The following KIAA1210 variants were observed in gnomAD, a reference collection of about 807,000 sequenced individuals.
KIAA1210 encodes the protein KIAA1210.
KIAA1210 carries 48 observed loss-of-function variants against 78.9 expected under a neutral mutation model. The ratio of observed to expected loss-of-function variants is 0.61; its 90% CI spans 0.48 to 0.77. KIAA1210 has a LOEUF of 0.77. Ranked by LOEUF, KIAA1210 falls within the 30% of genes least tolerant of loss-of-function variation. KIAA1210 has a pLI of 0.00. For missense variants in KIAA1210, 1,108 were observed against 1,100.0 expected, an observed-to-expected ratio of 1.01 and a Z score of -0.10; for synonymous variants, 406 against 404.5, an observed-to-expected ratio of 1.00 and a Z score of -0.04.
intron 1 of KIAA1210, among the ~76,000 whole-genome samples, chrX:119,125,517 C>T (rs189047463): frequency 9.6e-6 from 1 of 104,461 alleles, no homozygotes; most frequent in Admixed American, 1.1e-4. Context: ...GGAAGCATGT[C>T]GGTTGATAAT....
chrX:119,149,854 C>G (rs905296843), intron 1 of KIAA1210, among the ~76,000 whole-genome samples: 5 of 111,076 alleles, frequency 4.5e-5, no homozygotes, highest in African/African-American at 1.6e-4. Flanking sequence ...GTTTCCCTCT[C>G]TCTTTCCATC....
At chrX:119,134,375 T>C (rs1471880402) in intron 2 of KIAA1210, among the ~76,000 whole-genome samples, 18 of 112,616 alleles carry the variant, frequency 1.6e-4, no homozygotes, top group Admixed American at 1.6e-3. Flanking sequence ...TCCATTCATC[T>C]ATTGATGGAC....
At position 119,085,504 on chromosome X, in the gene KIAA1210, G is replaced by C. The variant is rs368836990; in HGVS notation, c.4199C>G (p.Pro1400Arg). Residue 1400 changes from proline to arginine, a missense_variant, in exon 10 of 12, where the codon CCG (proline) becomes CGG (arginine). Coordinates refer to ENST00000691062, the MANE Select transcript of KIAA1210 (RefSeq NM_001394962.1). ...CTGCTTTGCCATAGTTATCCAAACCGGCTCTGAGACAGCATAATCTGACTG... is the reference window on the plus strand; with the variant it reads ...CTGCTTTGCCATAGTTATCCAAACCCGCTCTGAGACAGCATAATCTGACTG... ...GQQSDYAVSE[P>R]VWITMAKQKQ... 1.7e-6 allele frequency: 2 copies of C among 1,211,012 alleles called. No individual in the cohort carries two copies. The highest frequency in any genetic ancestry group is 2.2e-6 in the Non-Finnish European group (2 of 895,088).
chrX:119,091,192 G>C (rs1450832400), intron 8 of KIAA1210, among the ~76,000 whole-genome samples: 1 of 112,291 alleles, frequency 8.9e-6, no homozygotes, highest in Non-Finnish European at 1.9e-5. Flanking sequence ...TCTTACCTCA[G>C]CCAGAATGGC....
intron 2 of KIAA1210, among the ~76,000 whole-genome samples, chrX:119,122,490 C>G (rs1376154154): frequency 8.9e-6 from 1 of 112,206 alleles, no homozygotes; most frequent in Non-Finnish European, 1.9e-5. Flanking sequence ...TTTGGTCTTA[C>G]AAAAAACAAA....
chrX:119,096,437 T>C, intron 7 of KIAA1210, 57 bp downstream of exon 7: 1 of 1,049,519 alleles, frequency 9.5e-7, no homozygotes, highest in East Asian at 3.0e-5. Context: ...TTTGCAAAGG[T>C]TGGAACTCAT....
rs1171379228 is a variant in KIAA1210, at chrX:119,081,438, G to T, written c.4493C>A (p.Thr1498Asn). 1 of 1,208,793 alleles carries T rather than the reference G, an allele frequency of 8.3e-7. No homozygotes were observed. The highest frequency in any genetic ancestry group is 1.8e-5 in the African/African-American group (1 of 56,991). Residue 1498 changes from threonine to asparagine, a missense_variant, in exon 12 of 12, where the codon ACT (threonine) becomes AAT (asparagine). By Grantham distance (65) the Thr-to-Asn change is moderately conservative. Around this residue, in one of 5 missense-constraint regions of KIAA1210, gnomAD observed 245 missense variants for 278.8 expected, o/e 0.88. Coordinates refer to ENST00000691062, the MANE Select transcript of KIAA1210 (RefSeq NM_001394962.1). ...AMEKETKRSS[T>N]LPAKFQNPVE... ...TGGGTTCTGGAACTTGGCTGGGAGA[G>T]TTGAAGATCGTTTGGTTTCTTTTTC...
In KIAA1210 at chrX:119,096,661, A is replaced by C; in HGVS notation, c.679T>G (p.Cys227Gly). 8.3e-7 allele frequency: 1 copy of C among 1,207,859 alleles called. No homozygotes were observed. Residue 227 changes from cysteine (C) to glycine (G), a missense_variant, in exon 7 of 12, where the codon TGC becomes GGC. By Grantham distance (159) the Cys-to-Gly change is radical. Transcript: ENST00000691062. ...SFSELSSGPD[C>G]SQSLTAFATL... ...GCAAATGCAGTCAAGGACTGTGAGC[A>C]ATCAGGTCCAGATGATAACTCAGAG...
At chrX:119,115,244 T>C (rs1468906757) in intron 3 of KIAA1210, among the ~76,000 whole-genome samples, 2 of 110,359 alleles carry the variant, frequency 1.8e-5, no homozygotes, top group African/African-American at 6.6e-5. Context: ...CTTCTCTCTC[T>C]CTCTCTCTCT....
chrX:119,138,426 C>T (rs746578540), intron 2 of KIAA1210, among the ~76,000 whole-genome samples: 1 of 110,372 alleles, frequency 9.1e-6, no homozygotes, highest in South Asian at 3.9e-4. Context: ...CCCATGTTGG[C>T]CAGGCTGGTC....
At position 119,088,259 on chromosome X, in the gene KIAA1210, T is replaced by C. The variant is rs868736262; in HGVS notation, c.2443A>G (p.Met815Val). Reference sequence around the variant, plus strand: ...ATGTTTTGTTGAACTTTAGGATTCATCAAGGGCTGGCAAAGAAGTTTAGGA... The same window carrying C: ...ATGTTTTGTTGAACTTTAGGATTCACCAAGGGCTGGCAAAGAAGTTTAGGA... ...LPPKLLCQPL[M>V]NPKVQQNMFS... Residue 815 changes from methionine (M) to valine (V), a missense_variant, in exon 9 of 12, where the codon ATG (methionine) becomes GTG (valine). Physicochemically the swap from Met to Val is conservative, Grantham distance 21 (BLOSUM62 1). Transcript: ENST00000691062. 2 of 1,209,891 alleles carry C rather than the reference T, an allele frequency of 1.7e-6. No individual in the cohort carries two copies. Among genetic ancestry groups the C allele is most frequent in the African/African-American group, 3.5e-5 (2 of 57,139 alleles).
chrX:119,145,567 G>C (rs777223553), intron 2 of KIAA1210, among the ~76,000 whole-genome samples: 12 of 111,284 alleles, frequency 1.1e-4, no homozygotes, highest in Middle Eastern at 4.7e-3. Flanking sequence ...TAGCCTGTTA[G>C]GAACCGGGCC....
At chrX:119,136,076 G>C (rs771836466) in intron 2 of KIAA1210, among the ~76,000 whole-genome samples, 41 of 110,897 alleles carry the variant, frequency 3.7e-4, no homozygotes, top group Admixed American at 5.8e-4. Flanking sequence ...AAAAAAAGTA[G>C]AAGAAAGGGG....
intron 10 of KIAA1210, 101 bp from the exon 11 acceptor site, chrX:119,083,221 C>G: frequency 1.9e-6 from 1 of 516,388 alleles, no homozygotes; most frequent in Non-Finnish European, 3.1e-6. Flanking sequence ...GTCCTGGGTA[C>G]TATGAGTTTA....
chrX:119,108,495 A>C (rs762587858), intron 4 of KIAA1210, 24 bp from the exon 5 acceptor site: 5 of 1,194,777 alleles, frequency 4.2e-6, no homozygotes, highest in Non-Finnish European at 5.6e-6. Flanking sequence ...AGAGAAAAAA[A>C]CTTGAGGATT....
intron 8 of KIAA1210, 26 bp from the exon 9 acceptor site, chrX:119,089,772 G>A: frequency 1.8e-6 from 2 of 1,141,544 alleles, no homozygotes; most frequent in Non-Finnish European, 2.3e-6. Context: ...ATAAGGAAAG[G>A]AGAAATATGT....
chrX:119,130,151 G>C (rs1398148402), upstream of KIAA1210, among the ~76,000 whole-genome samples: 1 of 111,881 alleles, frequency 8.9e-6, no homozygotes, highest in African/African-American at 3.3e-5. Flanking sequence ...GCTTCCTGCT[G>C]CCTGCAAGAT....
chrX:119,128,223 AC>A (rs1928698096), upstream of KIAA1210, among the ~76,000 whole-genome samples: 1 of 112,031 alleles, frequency 8.9e-6, no homozygotes, highest in African/African-American at 3.2e-5. Flanking sequence ...GATTATTTCA[AC>A]ATATAGTCAC....
chrX:119,125,735 A>ATTT (rs1163974116), intron 1 of KIAA1210, among the ~76,000 whole-genome samples: 9 of 15,792 alleles, frequency 5.7e-4, no homozygotes, highest in East Asian at 2.5e-3. Context: ...ATATATATAT[A>ATTT]TTTTTTTTTT....
Sources: allele counts gnomAD v4.1 joint callset (sites outside exome capture counted in the v4.1 genomes callset), GRCh38; gene constraint gnomAD v4.1.1; regional missense constraint gnomAD v4.1.1; transcripts MANE v1.5; gene names NCBI Gene and HGNC (gene_info 2026-07-23, HGNC 2026-07-21).